Variants in CD274 observed in about 807,000 individuals in gnomAD.
The protein encoded by CD274 is programmed cell death 1 ligand 1.
In CD274, 8 loss-of-function variants were observed where a neutral mutation model predicts 30.1. The observed-to-expected ratio is 0.27, with a 90% CI of 0.16 to 0.48. The LOEUF is 0.48. Among genes scored for constraint, CD274 ranks in the 20% least tolerant of loss-of-function variants. The pLI, the probability that CD274 is intolerant of heterozygous loss-of-function variation, is 0.99. For missense variants in CD274, 353 were observed against 346.6 expected (o/e 1.02, Z -0.15); for synonymous variants, 152 against 124.6 (o/e 1.22, Z -1.46).
chr9:5,457,836 A>T (rs1380213033), intron 3 of CD274, among the ~76,000 whole-genome samples: 1 of 152,054 alleles, frequency 6.6e-6, no homozygotes, highest in Non-Finnish European at 1.5e-5. Flanking sequence ...CCCTCCAGAA[A>T]TTTTTTTATT....
chr9:5,453,245 C>T (rs1033002897), intron 1 of CD274, among the ~76,000 whole-genome samples: 1 of 152,050 alleles, frequency 6.6e-6, no homozygotes, highest in Non-Finnish European at 1.5e-5. Context: ...ACCTTTTTAT[C>T]TTTTAACATG....
At chr9:5,461,081 A>G (rs984390832) in intron 3 of CD274, among the ~76,000 whole-genome samples, 5 of 152,220 alleles carry the variant, frequency 3.3e-5, no homozygotes, top group African/African-American at 1.2e-4. Flanking sequence ...ATGTCAAGGC[A>G]TAATATACCT....
At chr9:5,461,614 T>A (rs937755269) in intron 3 of CD274, among the ~76,000 whole-genome samples, 5 of 152,086 alleles carry the variant, frequency 3.3e-5, no homozygotes, top group African/African-American at 9.7e-5. Flanking sequence ...AGGCTCTAGA[T>A]CATTAGTGGT....
rs77935750 is a variant in CD274 at position 5,458,050 on chromosome 9, C to T, written c.394+630C>T. Among the ~76,000 whole-genome samples the T allele has an allele frequency of 3.4e-3, 516 of 152,296 alleles. 3 individuals are homozygous for T. Among genetic ancestry groups the T allele is most frequent in the African/African-American group, 0.011 (476 of 41,572 alleles). The stretch of plus-strand genomic sequence containing the variant: ...TCCAGTACAGGATAAGCCATACTTA[C>T]TGGGCATATATTCATCTTGAAAATC... On this transcript the variant is annotated intron_variant, in intron 3 of 6. Transcript: ENST00000381577.
chr9:5,463,283 A>C, intron 4 of CD274, 162 bp downstream of exon 4: 2 of 624,812 alleles, frequency 3.2e-6, no homozygotes, highest in East Asian at 2.7e-5. Flanking sequence ...CCATTCATCC[A>C]AACCATATTG....
At position 5,467,832 on chromosome 9, in the gene CD274, C is replaced by G; in HGVS notation, c.851-8C>G. 1 of 1,603,838 alleles carries G rather than the reference C, an allele frequency of 6.2e-7. No individual in the cohort carries two copies. The highest frequency in any genetic ancestry group is 8.5e-7 in the Non-Finnish European group (1 of 1,170,648). On this transcript the variant is annotated splice_polypyrimidine_tract_variant and splice_region_variant and intron_variant, in intron 6 of 6. Coordinates refer to ENST00000381577, the MANE Select transcript of CD274 (RefSeq NM_014143.4). ...CCATGAAATTAATATACTATTATCA[C>G]TCTCCAGATACACATTTGGAGGAGA...
intron 1 of CD274, among the ~76,000 whole-genome samples, chr9:5,454,678 T>G (rs764116327): frequency 2.0e-5 from 3 of 152,060 alleles, no homozygotes; most frequent in African/African-American, 4.8e-5. Context: ...TAGGATAGAT[T>G]TCTAGGAGAG....
chr9:5,457,190 T>C lies in CD274; in HGVS notation c.164T>C (p.Val55Ala), dbSNP rs2131211642. 1 of 1,614,040 alleles carries C rather than the reference T, an allele frequency of 6.2e-7. No individual in the cohort carries two copies. The highest frequency in any genetic ancestry group is 8.5e-7 in the Non-Finnish European group (1 of 1,179,908). The change falls in exon 3 of 7, where the codon GTC becomes GCC. Residue 55 changes from valine to alanine, a missense_variant. Transcript: ENST00000381577. ...CAATTAGACCTGGCTGCACTAATTG[T>C]CTATTGGGAAATGGAGGATAAGAAC... Reference protein sequence around the residue: ...EKQLDLAALIVYWEMEDKNII... With the variant: ...EKQLDLAALIAYWEMEDKNII...
intron 1 of CD274, among the ~76,000 whole-genome samples, chr9:5,452,407 C>G (rs1819223225): frequency 6.6e-6 from 1 of 152,184 alleles, no homozygotes; most frequent in Non-Finnish European, 1.5e-5. Flanking sequence ...TACTGGGCTT[C>G]CCCCAGGGAC....
At chr9:5,466,451 T>A (rs1819499227) in intron 5 of CD274, among the ~76,000 whole-genome samples, 1 of 152,162 alleles carries the variant, frequency 6.6e-6, no homozygotes, top group Admixed American at 6.5e-5. Flanking sequence ...ATTTTGAATA[T>A]TTCTCTGGAA....
chr9:5,457,226 T>C lies in CD274; in HGVS notation c.200T>C (p.Phe67Ser), dbSNP rs1287818400. The change falls in exon 3 of 7, where the codon TTT becomes TCT. Residue 67 changes from phenylalanine to serine, a missense_variant. By Grantham distance (155) the Phe-to-Ser change is radical. Coordinates refer to ENST00000381577, the MANE Select transcript of CD274 (RefSeq NM_014143.4). ...ATGGAGGATAAGAACATTATTCAAT[T>C]TGTGCATGGAGAGGAAGACCTGAAG... ...WEMEDKNIIQ[F>S]VHGEEDLKVQ... 1 of 1,613,988 alleles carries C rather than the reference T, an allele frequency of 6.2e-7. No homozygotes were observed. The highest frequency in any genetic ancestry group is 1.3e-5 in the African/African-American group (1 of 74,920).
chr9:5,457,902 C>G (rs753953486), intron 3 of CD274, among the ~76,000 whole-genome samples: 1 of 152,166 alleles, frequency 6.6e-6, no homozygotes, highest in Non-Finnish European at 1.5e-5. Flanking sequence ...TTGAGCCTCT[C>G]TATATCAAAT....
At chr9:5,463,400 CA>C (rs1330389888) in intron 4 of CD274, among the ~76,000 whole-genome samples, 12 of 152,238 alleles carry the variant, frequency 7.9e-5, no homozygotes, top group South Asian at 2.1e-4. Flanking sequence ...TCACACTCTT[CA>C]GGAAACAGAT....
At chr9:5,467,607 A>C (rs1320072714) in intron 6 of CD274, among the ~76,000 whole-genome samples, 2 of 152,164 alleles carry the variant, frequency 1.3e-5, no homozygotes, top group South Asian at 4.1e-4. Context: ...TAAGTAGCAA[A>C]TGTTGTTTGG....
chr9:5,453,341 T>G (rs1819241427), intron 1 of CD274, among the ~76,000 whole-genome samples: 2 of 152,168 alleles, frequency 1.3e-5, no homozygotes, highest in Non-Finnish European at 2.9e-5. Context: ...AAAAATAATA[T>G]TTTTTAAACA....
Position 5,468,752 on chromosome 9 carries a change from A to T in CD274, c.*890A>T. 4.3e-6 allele frequency: 1 copy of T among 233,140 alleles called. No individual in the cohort carries two copies. Among genetic ancestry groups the T allele is most frequent in the Non-Finnish European group, 8.5e-6 (1 of 117,940 alleles). The allele number at this position is 233,140 out of a possible 1,614,324, so 14.4% of individuals were successfully genotyped here. On this transcript the variant is annotated 3_prime_UTR_variant, in exon 7 of 7. Transcript: ENST00000381577. ...CCATCGTACAGCTGAGGAAGCAAAC[A>T]GATTAAGTAACTTGCCCAAACCAGT...
At chr9:5,450,736 G>A (rs927341864) in intron 1 of CD274, 140 bp downstream of exon 1, 2 of 152,344 alleles carry the variant, frequency 1.3e-5, no homozygotes, top group South Asian at 2.1e-4. Flanking sequence ...ATGGTCTAGG[G>A]GGCAGTAGAG....
intron 6 of CD274, among the ~76,000 whole-genome samples, chr9:5,467,445 T>A (rs1332362161): frequency 1.3e-5 from 2 of 152,204 alleles, no homozygotes; most frequent in Non-Finnish European, 2.9e-5. Context: ...GTTATTGAAC[T>A]AAGAAGAAAG....
chr9:5,460,842 C>G (rs12002326), intron 3 of CD274, among the ~76,000 whole-genome samples: 10,524 of 152,176 alleles, frequency 0.069, 1,247 homozygotes, highest in African/African-American at 0.24. Flanking sequence ...TTTGTGCATG[C>G]ACATTTGTGT....
Sources: allele counts gnomAD v4.1 joint callset (sites outside exome capture counted in the v4.1 genomes callset), GRCh38; gene constraint gnomAD v4.1.1; transcripts MANE v1.5; gene names NCBI Gene and HGNC (gene_info 2026-07-23, HGNC 2026-07-21).